The following TRAF5 variants were observed in gnomAD, a reference collection of about 807,000 sequenced individuals.
TRAF5 encodes the protein TNF receptor-associated factor 5.
In TRAF5, 48 loss-of-function variants were observed where a neutral mutation model predicts 64.5. The ratio of observed to expected loss-of-function variants is 0.74; its 90% CI spans 0.59 to 0.95. The LOEUF (loss-of-function observed/expected upper bound fraction) is 0.95, where lower values mean the gene tolerates loss of function less well. Among genes scored for constraint, TRAF5 ranks in the 40% least tolerant of loss-of-function variants. TRAF5 has a pLI of 0.00. For synonymous variants in TRAF5, 206 were observed against 240.5 expected (o/e 0.86, Z 1.33); for missense variants, 545 against 662.8 (o/e 0.82, Z 1.95).
intron 9 of TRAF5, among the ~76,000 whole-genome samples, chr1:211,369,837 T>C (rs756281320): frequency 2.0e-4 from 31 of 152,170 alleles, no homozygotes; most frequent in East Asian, 1.2e-3. Context: ...TGTGTGTGTG[T>C]GCGTGTGCAT....
At chr1:211,354,296 A>G in intron 2 of TRAF5, 114 bp from the exon 3 acceptor site, 1 of 886,554 alleles carries the variant, frequency 1.1e-6, no homozygotes, top group Non-Finnish European at 1.8e-6. Context: ...CAGCATGTGC[A>G]GACAGGGACC....
intron 6 of TRAF5, 126 bp from the exon 7 acceptor site, chr1:211,360,962 T>A: frequency 9.4e-7 from 1 of 1,067,584 alleles, no homozygotes; most frequent in South Asian, 1.4e-5. Context: ...ATCATAGCTC[T>A]TTCTTGCCAG....
chr1:211,370,565 T>C (rs969474142), intron 9 of TRAF5, among the ~76,000 whole-genome samples: 2 of 152,210 alleles, frequency 1.3e-5, no homozygotes, highest in Non-Finnish European at 2.9e-5. Context: ...AAGTCAAAAA[T>C]GTGTTTGATA....
At chr1:211,345,972 C>G (rs1313392287) in intron 1 of TRAF5, among the ~76,000 whole-genome samples, 1 of 152,238 alleles carries the variant, frequency 6.6e-6, no homozygotes, top group East Asian at 1.9e-4. Context: ...CAGAGCTAAG[C>G]AGAGCAAGAG....
At chr1:211,335,152 G>C (rs1702256864) in intron 1 of TRAF5, among the ~76,000 whole-genome samples, 2 of 152,220 alleles carry the variant, frequency 1.3e-5, no homozygotes, top group South Asian at 4.1e-4. Flanking sequence ...TGAGTGAGCT[G>C]TGGTGAGTAA....
intron 1 of TRAF5, among the ~76,000 whole-genome samples, chr1:211,339,231 G>T (rs1282796722): frequency 1.3e-5 from 2 of 152,198 alleles, no homozygotes; most frequent in Admixed American, 6.5e-5. Context: ...GTGGAACTGT[G>T]TATGGTATTA....
intron 7 of TRAF5, among the ~76,000 whole-genome samples, chr1:211,363,860 A>G (rs531121773): frequency 1.3e-5 from 2 of 150,526 alleles, no homozygotes; most frequent in African/African-American, 4.9e-5. Flanking sequence ...GCAGTGAGCC[A>G]AGGTCATGCC....
At chr1:211,334,623 A>G (rs1419480792) in intron 1 of TRAF5, among the ~76,000 whole-genome samples, 1 of 152,176 alleles carries the variant, frequency 6.6e-6, no homozygotes, top group African/African-American at 2.4e-5. Flanking sequence ...GCACCACTGC[A>G]CTCCAGCCTG....
chr1:211,339,120 C>T (rs576490683), intron 1 of TRAF5, among the ~76,000 whole-genome samples: 43 of 152,284 alleles, frequency 2.8e-4, no homozygotes, highest in African/African-American at 9.1e-4. Context: ...CCTGTGCCCA[C>T]GCACTAGCTG....
chr1:211,338,851 C>A (rs1702373931), intron 1 of TRAF5, among the ~76,000 whole-genome samples: 3 of 152,198 alleles, frequency 2.0e-5, no homozygotes, highest in Non-Finnish European at 4.4e-5. Flanking sequence ...TCTCGAACTC[C>A]TGAGCTCAGA....
At chr1:211,331,996 G>C (rs1702168893) in intron 1 of TRAF5, among the ~76,000 whole-genome samples, 1 of 152,140 alleles carries the variant, frequency 6.6e-6, no homozygotes, top group South Asian at 2.1e-4. Flanking sequence ...CTAGCCTATT[G>C]CTGCCACTTT....
At chr1:211,328,549 G>A (rs557446995) in intron 1 of TRAF5, among the ~76,000 whole-genome samples, 1 of 152,266 alleles carries the variant, frequency 6.6e-6, no homozygotes, top group South Asian at 2.1e-4. Context: ...GTAGTAGGGC[G>A]ATGGAAAGAG....
Position 211,372,282 on chromosome 1 carries a change from A to C in TRAF5, c.1254A>C (p.Arg418Ser). 1 of 1,614,162 alleles carries C rather than the reference A, an allele frequency of 6.2e-7. No individual in the cohort carries two copies. Among genetic ancestry groups the C allele is most frequent in the Non-Finnish European group, 8.5e-7 (1 of 1,180,036 alleles). ...TGACAGATTACAAGATGAAGAAGAG[A>C]GAGGCGGTGGATGGGCACACAGTGT... ...WKVTDYKMKK[R>S]EAVDGHTVSI... The change falls in exon 11 of 11, where the codon AGA (arginine) becomes AGC (serine). Residue 418 changes from arginine to serine, a missense_variant. Coordinates refer to ENST00000261464, the MANE Select transcript of TRAF5 (RefSeq NM_001033910.3).
chr1:211,339,121 G>A (rs1161261875), intron 1 of TRAF5, among the ~76,000 whole-genome samples: 2 of 152,196 alleles, frequency 1.3e-5, no homozygotes, highest in African/African-American at 2.4e-5. Context: ...CTGTGCCCAC[G>A]CACTAGCTGT....
At position 211,373,314 on chromosome 1, in the gene TRAF5, G is replaced by A. The variant is rs1572099252; in HGVS notation, c.*612G>A. 1 of 152,436 alleles carries A rather than the reference G, an allele frequency of 6.6e-6. No homozygotes were observed. The highest frequency in any genetic ancestry group is 2.1e-4 in the South Asian group (1 of 4,832). 9.4% of individuals were successfully genotyped at this position (152,436 alleles called of 1,614,324 possible). On this transcript the variant is annotated 3_prime_UTR_variant, in exon 11 of 11. Coordinates refer to ENST00000261464, the MANE Select transcript of TRAF5 (RefSeq NM_001033910.3). ...TTTGCAAGGCTGCATAAGAACTGGT[G>A]AATGGGGTAAGCATTTTCATTCTTC... is the stretch of plus-strand genomic sequence containing the variant.
At chr1:211,331,786 C>G (rs901562667) in intron 1 of TRAF5, among the ~76,000 whole-genome samples, 4 of 152,144 alleles carry the variant, frequency 2.6e-5, no homozygotes, top group African/African-American at 9.7e-5. Context: ...CTGCCTCAGC[C>G]TCCCAAGTAG....
At chr1:211,339,270 A>G (rs1197071028) in intron 1 of TRAF5, among the ~76,000 whole-genome samples, 2 of 152,216 alleles carry the variant, frequency 1.3e-5, no homozygotes, top group Non-Finnish European at 2.9e-5. Context: ...GGAAATTACT[A>G]GTACATGTCA....
chr1:211,328,284 A>C (rs1004721796), intron 1 of TRAF5, among the ~76,000 whole-genome samples: 4 of 152,212 alleles, frequency 2.6e-5, no homozygotes, highest in Admixed American at 6.5e-5. Context: ...TGGAAGTGGA[A>C]AACGCCTAGC....
At chr1:211,366,637 G>A (rs889343866) in intron 8 of TRAF5, among the ~76,000 whole-genome samples, 4 of 152,144 alleles carry the variant, frequency 2.6e-5, no homozygotes, top group Non-Finnish European at 5.9e-5. Flanking sequence ...CAGTTAAAAT[G>A]TTGTGGAAGA....
Sources: gnomAD v4.1 joint callset for allele counts (sites outside exome capture counted in the v4.1 genomes callset) on GRCh38, gnomAD v4.1.1 for gene constraint, MANE v1.5 for transcripts, NCBI Gene and HGNC (gene_info 2026-07-23, HGNC 2026-07-21) for gene names.